CPA6: variants seen among roughly 807,000 people sequenced by gnomAD.
CPA6 encodes carboxypeptidase B.
In CPA6, 58 loss-of-function variants were observed where a neutral mutation model predicts 63.3. The observed-to-expected ratio is 0.92, with a 90% CI of 0.74 to 1.14. CPA6 has a LOEUF of 1.14. Among genes scored for constraint, CPA6 ranks in the 50% most tolerant of loss-of-function variants. CPA6 has a pLI of 0.00. For missense variants in CPA6, 565 were observed against 526.6 expected, an observed-to-expected ratio of 1.07 and a Z score of -0.71; for synonymous variants, 185 against 179.0, an observed-to-expected ratio of 1.03 and a Z score of -0.27.
chr8:67,684,140 G>T (rs1816660204), intron 1 of CPA6, among the ~76,000 whole-genome samples: 2 of 150,566 alleles, frequency 1.3e-5, no homozygotes. Context: ...TCCTGCCTCA[G>T]TCCCTGCAAA....
At chr8:67,480,109 G>A (rs187237517) in intron 8 of CPA6, among the ~76,000 whole-genome samples, 86 of 152,242 alleles carry the variant, frequency 5.6e-4, no homozygotes, top group African/African-American at 2.0e-3. Flanking sequence ...AGGTAACTGA[G>A]TGTTCTAAAG....
At chr8:67,483,992 G>A (rs1244098862) in intron 7 of CPA6, 134 bp from the exon 8 acceptor site, 2 of 714,000 alleles carry the variant, frequency 2.8e-6, no homozygotes, top group South Asian at 1.8e-5. Context: ...AGCCCAGGGA[G>A]TGAAAAAGAG....
At chr8:67,444,486 T>G (rs1810369275) in intron 8 of CPA6, among the ~76,000 whole-genome samples, 1 of 151,892 alleles carries the variant, frequency 6.6e-6, no homozygotes. Flanking sequence ...CATTATCATT[T>G]TGTGAAAGTA....
chr8:67,625,089 G>C lies in CPA6; in HGVS notation c.117-838C>G, dbSNP rs187734809. Among the ~76,000 whole-genome samples, 5 of 152,132 alleles carry C rather than the reference G, an allele frequency of 3.3e-5. No individual in the cohort carries two copies. The East Asian group carries it at 9.7e-4, about 30-fold the overall frequency. On this transcript the variant is annotated intron_variant, in intron 1 of 10. Transcript: ENST00000297770. ...CAATGTGTACCAAGCAGAAACTAGG[G>C]AGGAGCAAGAAAGCAATCATAATGA... is the stretch of plus-strand genomic sequence containing the variant.
At chr8:67,682,975 T>G (rs993907643) in intron 1 of CPA6, among the ~76,000 whole-genome samples, 19 of 152,240 alleles carry the variant, frequency 1.2e-4, no homozygotes, top group Admixed American at 5.9e-4. Flanking sequence ...CCTGCAGATC[T>G]GCAGAATATT....
intron 2 of CPA6, among the ~76,000 whole-genome samples, chr8:67,595,380 T>C (rs972436415): frequency 8.5e-5 from 13 of 152,220 alleles, no homozygotes; most frequent in Non-Finnish European, 8.8e-5. Flanking sequence ...GATCTCCAGC[T>C]GCATGCTGGG....
chr8:67,689,540 C>G (rs142898003), intron 1 of CPA6, among the ~76,000 whole-genome samples: 2 of 152,286 alleles, frequency 1.3e-5, no homozygotes, highest in African/African-American at 4.8e-5. Flanking sequence ...GTTTTCTGTT[C>G]TTGCATTAAT....
rs189593073 is a variant in CPA6, at chr8:67,513,612, C to T, written c.318-1957G>A. On this transcript the variant is annotated intron_variant, in intron 3 of 10. Transcript: ENST00000297770. ...TGTTATGGCGGCCCCAGCAAACTAACCCAGGTCTCTGTTCAGTAACTTACA... is the reference window on the plus strand; with the variant it reads ...TGTTATGGCGGCCCCAGCAAACTAATCCAGGTCTCTGTTCAGTAACTTACA... Among the ~76,000 whole-genome samples the T allele has an allele frequency of 5.0e-3, 754 of 152,192 alleles. 4 individuals carry two copies. The highest frequency in any genetic ancestry group is 0.02 in the Middle Eastern group (6 of 294).
intron 2 of CPA6, among the ~76,000 whole-genome samples, chr8:67,528,064 G>A (rs751997157): frequency 5.3e-5 from 8 of 152,210 alleles, no homozygotes; most frequent in African/African-American, 1.4e-4. Flanking sequence ...ACTGTTTACC[G>A]AAAGCCTGCA....
At chr8:67,708,265 G>A (rs7826848) in intron 1 of CPA6, among the ~76,000 whole-genome samples, 4,210 of 152,240 alleles carry the variant, frequency 0.028, 203 homozygotes, top group African/African-American at 0.094. Flanking sequence ...ATAATCAGGC[G>A]AAGGTTCATA....
chr8:67,497,907 G>A (rs1216748614), intron 6 of CPA6, among the ~76,000 whole-genome samples: 2 of 124,532 alleles, frequency 1.6e-5, no homozygotes, highest in African/African-American at 6.3e-5. Context: ...GTCCAGGCTG[G>A]TCTTGAACTC....
chr8:67,597,111 G>T (rs954874964), intron 2 of CPA6, among the ~76,000 whole-genome samples: 4 of 151,634 alleles, frequency 2.6e-5, no homozygotes, highest in African/African-American at 9.7e-5. Flanking sequence ...TTGTGACTAC[G>T]CATTACTTCT....
intron 1 of CPA6, among the ~76,000 whole-genome samples, chr8:67,743,466 T>C (rs1431663477): frequency 2.2e-4 from 34 of 152,188 alleles, no homozygotes; most frequent in Admixed American, 2.2e-3. Context: ...TTATTCTCTG[T>C]GTTACAACAA....
chr8:67,650,734 T>C (rs895564979), intron 1 of CPA6, among the ~76,000 whole-genome samples: 2 of 152,106 alleles, frequency 1.3e-5, no homozygotes, highest in Admixed American at 6.5e-5. Flanking sequence ...GTCTACGATG[T>C]TCATATATAA....
chr8:67,445,639 T>G (rs190860541), intron 8 of CPA6, among the ~76,000 whole-genome samples: 9 of 152,206 alleles, frequency 5.9e-5, no homozygotes, highest in African/African-American at 1.9e-4. Flanking sequence ...GAAAGATAGA[T>G]GAAATCTAAC....
chr8:67,585,554 T>C (rs577102094), intron 2 of CPA6, among the ~76,000 whole-genome samples: 1 of 152,308 alleles, frequency 6.6e-6, no homozygotes, highest in South Asian at 2.1e-4. Context: ...AAGGCTTCTA[T>C]TGTTAGATCC....
chr8:67,493,534 C>T (rs537175622), intron 6 of CPA6, among the ~76,000 whole-genome samples: 1 of 152,252 alleles, frequency 6.6e-6, no homozygotes, highest in Middle Eastern at 3.4e-3. Context: ...ACCTGCTTCC[C>T]TGAAAGTCTC....
chr8:67,693,684 A>C (rs1340504386), intron 1 of CPA6, among the ~76,000 whole-genome samples: 1 of 152,190 alleles, frequency 6.6e-6, no homozygotes, highest in African/African-American at 2.4e-5. Context: ...CCACCTATGA[A>C]CAAGGAGGTG....
intron 2 of CPA6, among the ~76,000 whole-genome samples, chr8:67,552,584 T>C (rs113033900): frequency 0.015 from 2,217 of 151,652 alleles, 30 homozygotes; most frequent in African/African-American, 0.031. Flanking sequence ...CCATCCTGGC[T>C]AACACAGTGA....
Sources: allele counts gnomAD v4.1 joint callset (sites outside exome capture counted in the v4.1 genomes callset), GRCh38; gene constraint gnomAD v4.1.1; transcripts MANE v1.5; gene names NCBI Gene and HGNC (gene_info 2026-07-23, HGNC 2026-07-21).